DAB1: variants seen among roughly 807,000 people sequenced by gnomAD.
DAB1 encodes disabled homolog 1.
In DAB1, 15 loss-of-function variants were observed where a neutral mutation model predicts 64.6. That is an observed-to-expected ratio of 0.23 (90% CI 0.16 to 0.36). DAB1 has a LOEUF of 0.36. Among genes scored for constraint, DAB1 ranks in the 10% least tolerant of loss-of-function variants. DAB1 has a pLI of 1.00. For synonymous variants in DAB1, 235 were observed against 251.9 expected, an observed-to-expected ratio of 0.93 and a Z score of 0.64; for missense variants, 596 against 706.7, an observed-to-expected ratio of 0.84 and a Z score of 1.78.
intron 4 of DAB1, among the ~76,000 whole-genome samples, chr1:57,102,902 C>G (rs1476600322): frequency 6.6e-6 from 1 of 152,096 alleles, no homozygotes; most frequent in African/African-American, 2.4e-5. Flanking sequence ...GTGCCAGGCC[C>G]AAGGAAGCTC....
chr1:57,381,125 T>G (rs1681336280), intron 1 of DAB1, among the ~76,000 whole-genome samples: 1 of 152,150 alleles, frequency 6.6e-6, no homozygotes, highest in Non-Finnish European at 1.5e-5. Context: ...GCTAATCACC[T>G]GCAAAATTAC....
chr1:58,081,132 G>A (rs935508674), intron 5 of DAB1, among the ~76,000 whole-genome samples: 2 of 152,318 alleles, frequency 1.3e-5, no homozygotes, highest in African/African-American at 4.8e-5. Flanking sequence ...AATTAAGACA[G>A]CAGTATGGAA....
chr1:57,662,179 C>CTTTGTTTGTTTG (rs369739263), intron 6 of DAB1, among the ~76,000 whole-genome samples: 2 of 151,666 alleles, frequency 1.3e-5, no homozygotes, highest in African/African-American at 4.9e-5. Flanking sequence ...GAATGTTGTT[C>CTTTGTTTGTTTG]TTTGTTTGTT....
At chr1:58,422,972 T>A (rs1466351297) in intron 3 of DAB1, among the ~76,000 whole-genome samples, 1 of 152,056 alleles carries the variant, frequency 6.6e-6, no homozygotes, top group Non-Finnish European at 1.5e-5. Flanking sequence ...CTGAGATAGG[T>A]AAGTTTTATC....
intron 2 of DAB1, among the ~76,000 whole-genome samples, chr1:58,511,372 G>T (rs541553769): frequency 6.6e-6 from 1 of 152,278 alleles, no homozygotes; most frequent in East Asian, 1.9e-4. Flanking sequence ...GGGAGGCCAG[G>T]TATGGTGGTT....
At chr1:58,471,434 C>A (rs997840631) in intron 3 of DAB1, among the ~76,000 whole-genome samples, 6 of 152,126 alleles carry the variant, frequency 3.9e-5, no homozygotes, top group Admixed American at 1.3e-4. Context: ...AGGTGAACAG[C>A]ATTACATAAT....
chr1:57,766,018 A>AT (rs1055519367), intron 6 of DAB1, among the ~76,000 whole-genome samples: 2 of 151,764 alleles, frequency 1.3e-5, no homozygotes, highest in African/African-American at 4.8e-5. Context: ...ATCCTTGGAC[A>AT]TTTTTTCTTC....
At chr1:57,347,176 G>A (rs1678180573) in intron 1 of DAB1, among the ~76,000 whole-genome samples, 1 of 152,180 alleles carries the variant, frequency 6.6e-6, no homozygotes, top group African/African-American at 2.4e-5. Context: ...TACAAACTAG[G>A]AGAGGATTTG....
chr1:57,033,919 T>C (rs1647044006), intron 9 of DAB1, among the ~76,000 whole-genome samples: 1 of 152,202 alleles, frequency 6.6e-6, no homozygotes, highest in African/African-American at 2.4e-5. Context: ...AATGTCATCT[T>C]GTGCTTTAGC....
chr1:57,263,703 T>C (rs1000106552), intron 2 of DAB1, among the ~76,000 whole-genome samples: 1 of 152,162 alleles, frequency 6.6e-6, no homozygotes, highest in African/African-American at 2.4e-5. Context: ...TTCTTCAGGA[T>C]TGGAGAGAAT....
Position 57,439,418 on chromosome 1 carries a change from G to GTTTTT in DAB1, n.626-148257_626-148253dup. 9.9e-4 allele frequency among the ~76,000 whole-genome samples: 115 copies of GTTTTT among 116,088 alleles called. 6 individuals carry two copies. Among genetic ancestry groups the GTTTTT allele is most frequent in the African/African-American group, 1.7e-3 (49 of 28,276 alleles). The allele number at this position is 116,088 out of a possible 152,430, so 76.2% of individuals were successfully genotyped here. A position where few individuals can be genotyped will look rare whatever the true frequency, so the allele number is the denominator to read the frequency against. ...GCCATGCCATCAACTTGGTGATGAG[G>GTTTTT]TTTTTTCTTTTTTTTTTTTTTTTTT... On this transcript the variant is annotated intron_variant and non_coding_transcript_variant, in intron 7 of 20. Coordinates refer to the DAB1 transcript ENST00000485760.
At chr1:57,376,223 T>C (rs543212478) in intron 1 of DAB1, among the ~76,000 whole-genome samples, 2 of 152,326 alleles carry the variant, frequency 1.3e-5, no homozygotes, top group Admixed American at 6.5e-5. Flanking sequence ...ATGCAGCCTC[T>C]AGTTAAACCC....
At chr1:57,033,305 C>A in intron 9 of DAB1, 1 of 1,455,308 alleles carries the variant, frequency 6.9e-7, no homozygotes, top group South Asian at 1.1e-5. Context: ...ATCTGCCATT[C>A]ATGCAAGCTG....
At chr1:57,639,693 C>G (rs1646104596) in intron 7 of DAB1, among the ~76,000 whole-genome samples, 1 of 152,118 alleles carries the variant, frequency 6.6e-6, no homozygotes, top group African/African-American at 2.4e-5. Context: ...ATGCTCAGCA[C>G]TGGGGGTGTC....
At chr1:57,964,258 C>A (rs1400082996) in intron 5 of DAB1, among the ~76,000 whole-genome samples, 1 of 152,196 alleles carries the variant, frequency 6.6e-6, no homozygotes, top group African/African-American at 2.4e-5. Context: ...TTCACTTATT[C>A]ATTAATTTAT....
chr1:58,071,196 C>G (rs1649217705), intron 5 of DAB1, among the ~76,000 whole-genome samples: 1 of 152,088 alleles, frequency 6.6e-6, no homozygotes, highest in South Asian at 2.1e-4. Flanking sequence ...GAATGAAGTT[C>G]TTTCGTGTGT....
chr1:58,254,319 C>T (rs1660872966), intron 4 of DAB1, among the ~76,000 whole-genome samples: 1 of 152,134 alleles, frequency 6.6e-6, no homozygotes, highest in African/African-American at 2.4e-5. Flanking sequence ...GTGCTGCCCC[C>T]TACCCCACCC....
chr1:57,643,075 G>C (rs1646150101), intron 7 of DAB1, among the ~76,000 whole-genome samples: 1 of 152,216 alleles, frequency 6.6e-6, no homozygotes, highest in Admixed American at 6.5e-5. Flanking sequence ...GTGTGCAGGG[G>C]AGCAGAGTGA....
intron 5 of DAB1, among the ~76,000 whole-genome samples, chr1:57,956,887 A>C (rs1247481578): frequency 6.6e-6 from 1 of 152,228 alleles, no homozygotes. Context: ...GATGTGGAGA[A>C]GAGTTAGCTT....
Sources: allele counts gnomAD v4.1 joint callset (sites outside exome capture counted in the v4.1 genomes callset), GRCh38; gene constraint gnomAD v4.1.1; transcripts MANE v1.5; gene names NCBI Gene and HGNC (gene_info 2026-07-23, HGNC 2026-07-21).